The following MICU3 variants were observed in gnomAD, a reference collection of about 807,000 sequenced individuals.
The protein encoded by MICU3 is calcium uptake protein 3, mitochondrial.
MICU3 carries 62 observed loss-of-function variants against 66.5 expected under a neutral mutation model. The observed-to-expected ratio is 0.93, with a 90% CI of 0.76 to 1.15. The LOEUF is 1.15. Among genes scored for constraint, MICU3 ranks in the 50% most tolerant of loss-of-function variants. The pLI, the probability that MICU3 is intolerant of heterozygous loss-of-function variation, is 0.00. For missense variants in MICU3, 779 were observed against 664.4 expected, an observed-to-expected ratio of 1.17 and a Z score of -1.90; for synonymous variants, 308 against 240.7, an observed-to-expected ratio of 1.28 and a Z score of -2.59.
chr8:17,056,000 A>G (rs1451712675), intron 1 of MICU3, among the ~76,000 whole-genome samples: 1 of 152,150 alleles, frequency 6.6e-6, no homozygotes, highest in Admixed American at 6.5e-5. Flanking sequence ...TGTACGTTCA[A>G]CCTCACCACA....
rs1043140860 is a variant in MICU3, at chr8:17,039,552, T to A, written c.381+11892T>A. 3.3e-5 allele frequency among the ~76,000 whole-genome samples: 5 copies of A among 152,208 alleles called. No individual in the cohort carries two copies. In the East Asian group the frequency reaches 7.7e-4, roughly 23 times the overall value. The stretch of plus-strand genomic sequence containing the variant: ...TTTGAGTAGAGATTACTTTTCAGTT[T>A]TAGTAAATATTTGGGTTTAATGTGA... On this transcript the variant is annotated intron_variant, in intron 1 of 14. Coordinates refer to ENST00000318063, the MANE Select transcript of MICU3 (RefSeq NM_181723.3).
intron 3 of MICU3, among the ~76,000 whole-genome samples, chr8:17,071,548 C>T (rs1249418963): frequency 2.6e-5 from 4 of 151,820 alleles, no homozygotes; most frequent in Non-Finnish European, 5.9e-5. Flanking sequence ...GGGCTTAGGA[C>T]TTCAACATAT....
In MICU3 at chr8:17,107,142, G is replaced by A. The variant is rs574949250; in HGVS notation, c.1257+1558G>A. ...AGCAAAATCCTTCTCTCATGGAAAT[G>A]TATGTTAGTGGAGAGACAAACAAGT... On this transcript the variant is annotated intron_variant, in intron 11 of 14. Coordinates refer to ENST00000318063, the MANE Select transcript of MICU3 (RefSeq NM_181723.3). 2.0e-5 allele frequency among the ~76,000 whole-genome samples: 3 copies of A among 152,228 alleles called. No individual in the cohort carries two copies. The East Asian group carries it at 5.8e-4, about 29-fold the overall frequency.
At chr8:17,127,994 A>G in the MICU3 span, among the ~76,000 whole-genome samples, 2 of 152,292 alleles carry the variant, frequency 1.3e-5, no homozygotes, top group Non-Finnish European at 2.9e-5. Flanking sequence ...GAACCAGACC[A>G]CATAAGGGGA....
the MICU3 span, chr8:17,132,666 T>C: frequency 6.6e-6 from 1 of 152,196 alleles, no homozygotes; most frequent in Non-Finnish European, 1.5e-5. Context: ...CTTTCTCCAA[T>C]TCAGTGGAAC....
chr8:17,086,893 A>C lies in MICU3; in HGVS notation c.778-71A>C. The C allele has an allele frequency of 1.9e-5, 17 of 918,468 alleles. No homozygotes were observed. In the Middle Eastern group the frequency reaches 1.3e-3, roughly 70 times the overall value. The allele number at this position is 918,468 out of a possible 1,614,324, so 56.9% of individuals were successfully genotyped here. On this transcript the variant is annotated intron_variant, in intron 6 of 14. Coordinates refer to ENST00000318063, the MANE Select transcript of MICU3 (RefSeq NM_181723.3). The stretch of plus-strand genomic sequence containing the variant: ...TTTTCTTTGTTTTTGGAATATACCT[A>C]GTCCAGAATAGTAGATAGGTGCCCA...
downstream of MICU3, chr8:17,122,650 CT>C (rs1252306098): frequency 6.6e-6 from 1 of 151,948 alleles, no homozygotes; most frequent in Non-Finnish European, 1.5e-5. Flanking sequence ...AAACATTGTA[CT>C]TGGCTTTTAT....
At chr8:17,083,745 A>C (rs1821531184) in intron 5 of MICU3, among the ~76,000 whole-genome samples, 1 of 152,134 alleles carries the variant, frequency 6.6e-6, no homozygotes, top group African/African-American at 2.4e-5. Context: ...AAGCAAGTCC[A>C]GTCAATGATG....
Position 17,027,361 on chromosome 8 carries a change from T to TG in MICU3, c.87dup (p.Arg30AlafsTer20). 2 of 1,503,012 alleles carry TG rather than the reference T, an allele frequency of 1.3e-6. No homozygotes were observed. Among genetic ancestry groups the TG allele is most frequent in the Non-Finnish European group, 8.8e-7 (1 of 1,135,544 alleles). 93.1% of individuals were successfully genotyped at this position (1,503,012 alleles called of 1,614,324 possible). A position where few individuals can be genotyped will look rare whatever the true frequency, so the allele number is the denominator to read the frequency against. Reference sequence around the variant, plus strand: ...CGCTCACCAGCCCCTCCTTGGGCCGTGGGGGCGGCCTGCGGTGACCACCCT... The same window carrying TG: ...CGCTCACCAGCCCCTCCTTGGGCCGTGGGGGGCGGCCTGCGGTGACCACCCT... On this transcript the variant is annotated frameshift_variant, in exon 1 of 15. Transcript: ENST00000318063. LOFTEE classifies it high-confidence loss of function.
chr8:17,123,035 A>T (rs939368820), downstream of MICU3, among the ~76,000 whole-genome samples: 3 of 152,078 alleles, frequency 2.0e-5, no homozygotes, highest in African/African-American at 7.2e-5. Flanking sequence ...AACACTTTTT[A>T]AAATATAATG....
At chr8:17,048,791 A>T (rs72607365) in intron 1 of MICU3, among the ~76,000 whole-genome samples, 22,005 of 151,846 alleles carry the variant, frequency 0.14, 2,059 homozygotes, top group East Asian at 0.38. Flanking sequence ...ATACATTTTT[A>T]AAAAAATTGT....
the MICU3 span, among the ~76,000 whole-genome samples, chr8:17,137,625 C>T: frequency 2.0e-5 from 3 of 148,964 alleles, no homozygotes; most frequent in Non-Finnish European, 4.4e-5. Flanking sequence ...GGCCAGTATC[C>T]AAGTGTGTAA....
chr8:17,090,575 T>G lies in MICU3; in HGVS notation c.879T>G (p.Pro293=), dbSNP rs1342260519. Residue 293 remains proline, a synonymous_variant, in exon 8 of 15, where the codon CCT becomes CCG. Transcript: ENST00000318063. ...LRLQLYGYHS[P]TNSVLKTDAE... is the part of the protein sequence containing the mutation. ...TTCAACTTTATGGATACCATTCTCC[T>G]ACTAATAGTGTATGTACAATACTTT... The G allele has an allele frequency of 1.9e-6, 3 of 1,609,958 alleles. No individual in the cohort carries two copies. Among genetic ancestry groups the G allele is most frequent in the Non-Finnish European group, 2.5e-6 (3 of 1,177,230 alleles).
At chr8:17,128,040 T>C in the MICU3 span, among the ~76,000 whole-genome samples, 23 of 151,930 alleles carry the variant, frequency 1.5e-4, no homozygotes, top group African/African-American at 5.6e-4. Context: ...TCACAGATGG[T>C]TGGAACTGGA....
chr8:17,097,452 G>T (rs1585484713), intron 8 of MICU3, among the ~76,000 whole-genome samples: 1 of 151,610 alleles, frequency 6.6e-6, no homozygotes, highest in East Asian at 1.9e-4. Flanking sequence ...ATTTTATTAA[G>T]ATTTTATTAA....
the MICU3 span, among the ~76,000 whole-genome samples, chr8:17,138,361 G>T: frequency 2.6e-5 from 4 of 152,204 alleles, no homozygotes; most frequent in Non-Finnish European, 5.9e-5. Context: ...AAGAAATAGA[G>T]GTTTAAAGAA....
At chr8:17,132,347 CCCACCT>C in the MICU3 span, 1 of 152,146 alleles carries the variant, frequency 6.6e-6, no homozygotes, top group Admixed American at 6.5e-5. Context: ...ATTGATTTCG[CCCACCT>C]CCAGCCAGAA....
the MICU3 span, among the ~76,000 whole-genome samples, chr8:17,133,887 C>T: frequency 6.6e-6 from 1 of 152,184 alleles, no homozygotes; most frequent in Admixed American, 6.5e-5. Context: ...TTCATTTGGA[C>T]TATCTGGCTG....
intron 7 of MICU3, among the ~76,000 whole-genome samples, chr8:17,087,859 C>CT (rs1414363888): frequency 6.6e-6 from 1 of 151,946 alleles, no homozygotes; most frequent in Non-Finnish European, 1.5e-5. Flanking sequence ...TTGTCTGATA[C>CT]TTAGATAACC....
Sources: allele counts gnomAD v4.1 joint callset (sites outside exome capture counted in the v4.1 genomes callset), GRCh38; gene constraint gnomAD v4.1.1; transcripts MANE v1.5; gene names NCBI Gene and HGNC (gene_info 2026-07-23, HGNC 2026-07-21).